LRP12: variants seen among roughly 807,000 people sequenced by gnomAD.
LRP12 encodes low-density lipoprotein receptor-related protein 12.
In LRP12, 14 loss-of-function variants were observed where a neutral mutation model predicts 66.0. That is an observed-to-expected ratio of 0.21 (90% CI 0.14 to 0.33). LRP12 has a LOEUF of 0.33. Among genes scored for constraint, LRP12 ranks in the 10% least tolerant of loss-of-function variants. The pLI, the probability that LRP12 is intolerant of heterozygous loss-of-function variation, is 1.00. For synonymous variants in LRP12, 357 were observed against 359.1 expected (o/e 0.99, Z 0.07); for missense variants, 889 against 1,053.4 (o/e 0.84, Z 2.16).
At chr8:104,550,070 AT>A (rs1010722895) in intron 1 of LRP12, among the ~76,000 whole-genome samples, 6 of 152,060 alleles carry the variant, frequency 3.9e-5, no homozygotes, top group African/African-American at 1.4e-4. Context: ...CTAAACTGCA[AT>A]TTTTTTATTT....
At chr8:104,523,009 T>G (rs533866874) in intron 2 of LRP12, among the ~76,000 whole-genome samples, 1 of 152,270 alleles carries the variant, frequency 6.6e-6, no homozygotes, top group South Asian at 2.1e-4. Context: ...GTCAAAAAGT[T>G]TCTAGAGTCA....
At position 104,531,959 on chromosome 8, in the gene LRP12, A is replaced by G; in HGVS notation, c.84T>C (p.Asn28=). Residue 28 remains asparagine, a synonymous_variant, in exon 2 of 7, where the codon AAT becomes AAC. Transcript: ENST00000276654. ...LLLFLAGVYG[N]GALAEHSENV... is the part of the protein sequence containing the mutation. Reference sequence around the variant, plus strand: ...TTTCAGAATGTTCTGCAAGAGCACCATTTCCTAAAATTAAACATAATGAAT... The same window carrying G: ...TTTCAGAATGTTCTGCAAGAGCACCGTTTCCTAAAATTAAACATAATGAAT... 5 of 1,582,382 alleles carry G rather than the reference A, an allele frequency of 3.2e-6. No homozygotes were observed. The highest frequency in any genetic ancestry group is 4.3e-6 in the Non-Finnish European group (5 of 1,164,972).
chr8:104,517,088 A>G (rs1811080623), intron 2 of LRP12, among the ~76,000 whole-genome samples: 1 of 151,630 alleles, frequency 6.6e-6, no homozygotes, highest in Non-Finnish European at 1.5e-5. Flanking sequence ...GAAGGGCACA[A>G]AAGAAATAGA....
At chr8:104,541,714 T>C (rs767817099) in intron 1 of LRP12, among the ~76,000 whole-genome samples, 2 of 152,186 alleles carry the variant, frequency 1.3e-5, no homozygotes, top group African/African-American at 2.4e-5. Flanking sequence ...TCTGTCTGTA[T>C]GGATTTGCCT....
intron 6 of LRP12, among the ~76,000 whole-genome samples, chr8:104,492,196 G>A (rs1049636584): frequency 1.3e-5 from 2 of 151,726 alleles, no homozygotes; most frequent in African/African-American, 2.4e-5. Flanking sequence ...CAATGGTATC[G>A]ACATTTAGAT....
chr8:104,580,572 T>G (rs1170923188), intron 1 of LRP12, among the ~76,000 whole-genome samples: 2 of 151,488 alleles, frequency 1.3e-5, no homozygotes, highest in Non-Finnish European at 2.9e-5. Context: ...AATCTAAATC[T>G]ATAAAGAACT....
At chr8:104,564,588 T>G (rs973251984) in intron 1 of LRP12, among the ~76,000 whole-genome samples, 3 of 150,706 alleles carry the variant, frequency 2.0e-5, no homozygotes, top group African/African-American at 4.9e-5. Flanking sequence ...AAGACACAAA[T>G]CAGCACCGCA....
intron 1 of LRP12, among the ~76,000 whole-genome samples, chr8:104,546,985 T>C (rs1471152993): frequency 6.9e-6 from 1 of 144,882 alleles, no homozygotes; most frequent in Non-Finnish European, 1.5e-5. Context: ...TCTATACATT[T>C]TGTATATAAT....
At position 104,499,481 on chromosome 8, in the gene LRP12, T is replaced by C. The variant is rs1810790509; in HGVS notation, c.311A>G (p.Asn104Ser). ...DFDIQGSRRC[N>S]LDWLTIETYK... is the part of the protein sequence containing the mutation. Reference sequence around the variant, plus strand: ...TGTTTCTATTGTCAACCAGTCCAAATTGCACCTTCTGGATCCTTGAATATC... The same window carrying C: ...TGTTTCTATTGTCAACCAGTCCAAACTGCACCTTCTGGATCCTTGAATATC... Residue 104 changes from asparagine to serine, a missense_variant, in exon 4 of 7, where the codon AAT becomes AGT. Physicochemically the swap from Asn to Ser is conservative, Grantham distance 46 (BLOSUM62 1). This residue lies in a region of LRP12 where 800 missense variants were observed against 964.5 expected (regional missense o/e 0.83). Transcript: ENST00000276654. 5.0e-6 allele frequency: 8 copies of C among 1,612,308 alleles called. No individual in the cohort carries two copies. In the South Asian group the frequency reaches 6.6e-5, roughly 13 times the overall value.
intron 1 of LRP12, among the ~76,000 whole-genome samples, chr8:104,541,019 A>C (rs1029343866): frequency 7.2e-5 from 11 of 152,212 alleles, no homozygotes; most frequent in African/African-American, 2.4e-4. Context: ...GGCGTGAGCC[A>C]CCGCGCCCGG....
At chr8:104,530,952 G>A (rs1247905917) in intron 2 of LRP12, among the ~76,000 whole-genome samples, 1 of 151,864 alleles carries the variant, frequency 6.6e-6, no homozygotes, top group Admixed American at 6.6e-5. Flanking sequence ...CTTGCTTTGC[G>A]TTTTCAGGAA....
At chr8:104,560,661 A>C (rs898211064) in intron 1 of LRP12, among the ~76,000 whole-genome samples, 6 of 152,180 alleles carry the variant, frequency 3.9e-5, no homozygotes, top group African/African-American at 9.7e-5. Flanking sequence ...CAACATACAT[A>C]TCTCTCAAAA....
intron 1 of LRP12, among the ~76,000 whole-genome samples, chr8:104,557,058 G>A (rs1158848888): frequency 1.3e-5 from 2 of 152,100 alleles, no homozygotes; most frequent in Non-Finnish European, 2.9e-5. Flanking sequence ...ACAAAATACA[G>A]CATCCCTTTA....
At chr8:104,500,528 C>A (rs1810810694) in intron 3 of LRP12, among the ~76,000 whole-genome samples, 1 of 151,964 alleles carries the variant, frequency 6.6e-6, no homozygotes, top group African/African-American at 2.4e-5. Flanking sequence ...CATGATGAAA[C>A]CCCGTCTCTA....
At chr8:104,506,267 A>C (rs1300773191) in intron 3 of LRP12, 1 of 152,204 alleles carries the variant, frequency 6.6e-6, no homozygotes, top group Non-Finnish European at 1.5e-5. Flanking sequence ...TTACCAGAAT[A>C]CTAGGTGGCC....
intron 2 of LRP12, among the ~76,000 whole-genome samples, chr8:104,530,184 A>C (rs1483467462): frequency 6.6e-6 from 1 of 152,164 alleles, no homozygotes; most frequent in Admixed American, 6.5e-5. Flanking sequence ...TCTCAGTTTT[A>C]ATTTCTAACA....
intron 1 of LRP12, among the ~76,000 whole-genome samples, chr8:104,558,644 G>T (rs374911084): frequency 2.0e-5 from 3 of 151,736 alleles, no homozygotes; most frequent in South Asian, 4.2e-4. Flanking sequence ...CAAAGCAAAA[G>T]AAATAATCAG....
At chr8:104,520,058 TA>T (rs371849068) in intron 2 of LRP12, among the ~76,000 whole-genome samples, 2,562 of 142,008 alleles carry the variant, frequency 0.018, 68 homozygotes, top group African/African-American at 0.062. Flanking sequence ...GAAGGAGAAA[TA>T]AAAAAAAAAC....
Position 104,497,896 on chromosome 8 carries a change from T to C in LRP12, c.656A>G (p.Gln219Arg). The C allele has an allele frequency of 6.2e-7, 1 of 1,614,218 alleles. No homozygotes were observed. The highest frequency in any genetic ancestry group is 8.5e-7 in the Non-Finnish European group (1 of 1,180,032). ...GGTAAAACGGGATAAACACTGGAAC[T>C]GGTTGTAAGCACAGGGTTGAAAAGC... ...AAAFQPCAYN[Q>R]FQCLSRFTKV... The change falls in exon 5 of 7, where the codon CAG becomes CGG. Residue 219 changes from glutamine to arginine, a missense_variant. Coordinates refer to ENST00000276654, the MANE Select transcript of LRP12 (RefSeq NM_013437.5). The surrounding 1 kb of genome is among the most constrained non-coding windows in gnomAD (Gnocchi z 4.3).
Sources: gnomAD v4.1 joint callset for allele counts (sites outside exome capture counted in the v4.1 genomes callset) on GRCh38, gnomAD v4.1.1 for gene constraint, gnomAD v4.1.1 regional missense constraint, Gnocchi (gnomAD v3.1) non-coding constraint, MANE v1.5 for transcripts, NCBI Gene and HGNC (gene_info 2026-07-23, HGNC 2026-07-21) for gene names.